The following FBXL7 variants were observed in gnomAD, a reference collection of about 807,000 sequenced individuals.
FBXL7 encodes F-box and leucine rich repeat protein 7.
FBXL7 carries 12 observed loss-of-function variants against 38.3 expected under a neutral mutation model. That is an observed-to-expected ratio of 0.31 (90% CI 0.20 to 0.51). The LOEUF is 0.51. FBXL7 is among the 20% of genes least tolerant of loss of function. FBXL7 has a pLI of 0.98. For synonymous variants in FBXL7, 297 were observed against 300.9 expected (o/e 0.99, Z 0.13); for missense variants, 567 against 676.4 (o/e 0.84, Z 1.79).
chr5:15,716,607 A>C (rs1744049910), intron 2 of FBXL7, among the ~76,000 whole-genome samples: 1 of 152,272 alleles, frequency 6.6e-6, no homozygotes, highest in East Asian at 1.9e-4. Flanking sequence ...TCGGGTCTGT[A>C]TATGGGCTAG....
intron 2 of FBXL7, among the ~76,000 whole-genome samples, chr5:15,710,811 G>A (rs1743840668): frequency 6.6e-6 from 1 of 152,200 alleles, no homozygotes; most frequent in Non-Finnish European, 1.5e-5. Flanking sequence ...CTGGAGGCTT[G>A]AAGTCCAAAA....
At chr5:15,725,383 C>G (rs1744317154) in intron 2 of FBXL7, among the ~76,000 whole-genome samples, 1 of 151,818 alleles carries the variant, frequency 6.6e-6, no homozygotes, top group South Asian at 2.1e-4. Context: ...TTTGTGATTT[C>G]TTTTGTGATC....
At chr5:15,726,512 G>A (rs1234747659) in intron 2 of FBXL7, among the ~76,000 whole-genome samples, 1 of 151,964 alleles carries the variant, frequency 6.6e-6, no homozygotes, top group Non-Finnish European at 1.5e-5. Context: ...GGCCAATATG[G>A]TGAAACCCCG....
At chr5:15,819,026 G>T (rs1738098400) in intron 2 of FBXL7, among the ~76,000 whole-genome samples, 1 of 152,092 alleles carries the variant, frequency 6.6e-6, no homozygotes, top group South Asian at 2.1e-4. Flanking sequence ...ACTTCCAAAA[G>T]ACAATCATAG....
In FBXL7 at chr5:15,677,172, C is replaced by A. The variant is rs567171825; in HGVS notation, c.127+61100C>A. Reference sequence around the variant, plus strand: ...AGTAGTTATGAAATTTAATTCCTGTCTTCAAGAAATTTCTAGGCTGGGCGC... The same window carrying A: ...AGTAGTTATGAAATTTAATTCCTGTATTCAAGAAATTTCTAGGCTGGGCGC... On this transcript the variant is annotated intron_variant, in intron 2 of 3. Coordinates refer to ENST00000504595, the MANE Select transcript of FBXL7 (RefSeq NM_012304.5). Among the ~76,000 whole-genome samples, 3 of 152,274 alleles carry A rather than the reference C, an allele frequency of 2.0e-5. No homozygotes were observed. The East Asian group carries it at 5.8e-4, about 29-fold the overall frequency.
chr5:15,759,483 G>A (rs1180815456), intron 2 of FBXL7, among the ~76,000 whole-genome samples: 1 of 151,982 alleles, frequency 6.6e-6, no homozygotes, highest in Non-Finnish European at 1.5e-5. Context: ...TGTTGACAAA[G>A]CTTTTAAATT....
intron 2 of FBXL7, among the ~76,000 whole-genome samples, chr5:15,919,525 A>G (rs1310340334): frequency 6.6e-6 from 1 of 152,224 alleles, no homozygotes; most frequent in Non-Finnish European, 1.5e-5. Flanking sequence ...CCACACAAAT[A>G]CTTGAAAGTA....
chr5:15,515,137 C>A (rs897757141), intron 1 of FBXL7, among the ~76,000 whole-genome samples: 11 of 152,278 alleles, frequency 7.2e-5, no homozygotes, highest in African/African-American at 2.2e-4. Flanking sequence ...CATGGATGGA[C>A]CGGATGCCAC....
At chr5:15,554,091 T>A (rs1293880330) in intron 1 of FBXL7, among the ~76,000 whole-genome samples, 1 of 152,200 alleles carries the variant, frequency 6.6e-6, no homozygotes, top group Non-Finnish European at 1.5e-5. Flanking sequence ...GAATCATTTC[T>A]GCCTATTAGG....
At chr5:15,528,696 T>G (rs1737324574) in intron 1 of FBXL7, among the ~76,000 whole-genome samples, 4 of 152,192 alleles carry the variant, frequency 2.6e-5, no homozygotes. Context: ...ACGGTAATTA[T>G]GAGAGCTACA....
At chr5:15,808,056 C>A (rs1737762759) in intron 2 of FBXL7, among the ~76,000 whole-genome samples, 2 of 152,202 alleles carry the variant, frequency 1.3e-5, no homozygotes, top group East Asian at 1.9e-4. Context: ...ACAACACTGC[C>A]TTTCCAGGTC....
Position 15,500,235 on chromosome 5 carries a change from C to T in FBXL7, c.-442C>T, listed in dbSNP as rs916707132. The T allele has an allele frequency of 4.6e-5, 7 of 151,982 alleles. No homozygotes were observed. The highest frequency in any genetic ancestry group is 1.7e-4 in the African/African-American group (7 of 41,434). The allele number at this position is 151,982 out of a possible 1,614,324, so 9.4% of individuals were successfully genotyped here. ...GACCCGCAACAAGTGGCCGCCGCGC[C>T]CTCCCCGGGGAAGCCGCGGGCGCGC... On this transcript the variant is annotated 5_prime_UTR_variant, in exon 1 of 4. Coordinates refer to ENST00000504595, the MANE Select transcript of FBXL7 (RefSeq NM_012304.5).
At chr5:15,857,579 A>G (rs1739308214) in intron 2 of FBXL7, among the ~76,000 whole-genome samples, 1 of 152,200 alleles carries the variant, frequency 6.6e-6, no homozygotes, top group South Asian at 2.1e-4. Context: ...AAAGTCACCT[A>G]GTGAAGTTCA....
intron 2 of FBXL7, among the ~76,000 whole-genome samples, chr5:15,851,861 G>A (rs933209831): frequency 6.7e-6 from 1 of 150,156 alleles, no homozygotes. Context: ...AAGTTCCTTG[G>A]CTAGTTTTTT....
At chr5:15,521,033 A>G (rs1580349525) in intron 1 of FBXL7, among the ~76,000 whole-genome samples, 2 of 152,272 alleles carry the variant, frequency 1.3e-5, no homozygotes, top group East Asian at 3.9e-4. Flanking sequence ...TACAACAGAG[A>G]GCGTAGTTGC....
At chr5:15,602,326 T>C (rs1739823377) in intron 1 of FBXL7, 1 of 152,076 alleles carries the variant, frequency 6.6e-6, no homozygotes, top group Non-Finnish European at 1.5e-5. Context: ...AAAACTCTCT[T>C]GTTTCTTGGT....
At chr5:15,681,407 C>T (rs776602249) in intron 2 of FBXL7, among the ~76,000 whole-genome samples, 1 of 152,234 alleles carries the variant, frequency 6.6e-6, no homozygotes, top group East Asian at 1.9e-4. Context: ...AAGAAACACT[C>T]TGTTGAAAAA....
intron 1 of FBXL7, among the ~76,000 whole-genome samples, chr5:15,560,945 A>T (rs1281132011): frequency 1.3e-5 from 2 of 152,132 alleles, no homozygotes; most frequent in Non-Finnish European, 2.9e-5. Flanking sequence ...GTACAATGTG[A>T]TGTTTTATTA....
At chr5:15,888,915 C>G (rs1044218469) in intron 2 of FBXL7, among the ~76,000 whole-genome samples, 1 of 152,088 alleles carries the variant, frequency 6.6e-6, no homozygotes, top group Non-Finnish European at 1.5e-5. Context: ...CTTCAAAAAT[C>G]TATTATCTGT....
Sources: allele counts gnomAD v4.1 joint callset (sites outside exome capture counted in the v4.1 genomes callset), GRCh38; gene constraint gnomAD v4.1.1; transcripts MANE v1.5; gene names NCBI Gene and HGNC (gene_info 2026-07-23, HGNC 2026-07-21).